The following CEP97 variants were observed in gnomAD, a reference collection of about 807,000 sequenced individuals.
The protein encoded by CEP97 is centrosomal protein of 97 kDa.
A neutral mutation model predicts 73.1 loss-of-function variants in CEP97; 43 were observed. The ratio of observed to expected loss-of-function variants is 0.59; its 90% CI spans 0.46 to 0.76. The LOEUF (loss-of-function observed/expected upper bound fraction) is 0.76. CEP97 is among the 30% of genes least tolerant of loss of function. CEP97 has a pLI of 0.00. For synonymous variants in CEP97, 337 were observed against 370.0 expected (o/e 0.91, Z 1.02); for missense variants, 939 against 1,014.0 (o/e 0.93, Z 1.00).
chr3:101,751,766 T>C (rs1251247426), intron 6 of CEP97, among the ~76,000 whole-genome samples: 3 of 152,156 alleles, frequency 2.0e-5, no homozygotes, highest in African/African-American at 7.2e-5. Flanking sequence ...ATTTGCTTGG[T>C]AGATCTTCCT....
At chr3:101,760,022 CAAAAAAAAAAA>C (rs78933956) in intron 9 of CEP97, among the ~76,000 whole-genome samples, 1 of 88,658 alleles carries the variant, frequency 1.1e-5, no homozygotes, top group Non-Finnish European at 2.1e-5. Context: ...GATGGTGCAG[CAAAAAAAAAAA>C]AAAAAAAAAA....
intron 6 of CEP97, among the ~76,000 whole-genome samples, chr3:101,736,037 C>G (rs1421413174): frequency 6.6e-6 from 1 of 152,102 alleles, no homozygotes; most frequent in Non-Finnish European, 1.5e-5. Context: ...TACCGAGGTG[C>G]GAATAGGTGG....
intron 2 of CEP97, 44 bp from the exon 3 acceptor site, chr3:101,727,339 A>C (rs1251507412): frequency 6.6e-6 from 10 of 1,505,034 alleles, no homozygotes; most frequent in Admixed American, 1.8e-5. Flanking sequence ...GAAATATTTT[A>C]TATATGTTAT....
At chr3:101,756,931 T>C in intron 7 of CEP97, 132 bp from the exon 8 acceptor site, 1 of 752,412 alleles carries the variant, frequency 1.3e-6, no homozygotes. Flanking sequence ...GGATTTATAA[T>C]TTGGCATTAA....
intron 6 of CEP97, among the ~76,000 whole-genome samples, chr3:101,751,604 T>G (rs990900991): frequency 1.4e-4 from 22 of 152,182 alleles, no homozygotes; most frequent in African/African-American, 5.1e-4. Flanking sequence ...CTCCTGTATT[T>G]GGTGCATATA....
At chr3:101,743,318 A>G (rs769124388) in intron 6 of CEP97, among the ~76,000 whole-genome samples, 1 of 151,786 alleles carries the variant, frequency 6.6e-6, no homozygotes, top group Non-Finnish European at 1.5e-5. Flanking sequence ...AAGTAACTTT[A>G]TGGTAACTTT....
At chr3:101,740,151 AG>A (rs551958182) in intron 6 of CEP97, among the ~76,000 whole-genome samples, 202 of 152,294 alleles carry the variant, frequency 1.3e-3, no homozygotes, top group Admixed American at 4.6e-3. Flanking sequence ...AAAGAAATAA[AG>A]GGTATTCAGA....
At chr3:101,730,665 CAT>C (rs779126223) in intron 4 of CEP97, among the ~76,000 whole-genome samples, 5 of 148,408 alleles carry the variant, frequency 3.4e-5, no homozygotes, top group Non-Finnish European at 5.9e-5. Flanking sequence ...TAGAAAAAAA[CAT>C]GTAGCATGTA....
intron 6 of CEP97, among the ~76,000 whole-genome samples, chr3:101,752,663 C>G (rs1212175161): frequency 6.6e-6 from 1 of 152,164 alleles, no homozygotes; most frequent in Non-Finnish European, 1.5e-5. Flanking sequence ...ATCACTGATA[C>G]CCTTTCTTCC....
rs767646219 is a variant in CEP97, at chr3:101,731,912, A to C, written c.520A>C (p.Ile174Leu). 8 of 1,610,654 alleles carry C rather than the reference A, an allele frequency of 5.0e-6. No individual in the cohort carries two copies. In the East Asian group the frequency reaches 8.9e-5, roughly 18 times the overall value. Residue 174 changes from isoleucine to leucine, a missense_variant, in exon 5 of 11, where the codon ATA (isoleucine) becomes CTA (leucine). By Grantham distance (5) the Ile-to-Leu change is conservative. Transcript: ENST00000341893. ...APAYLPRSLA[I>L]LSLAENEIRD... ...TGCTTACCTACCCAGAAGTCTTGCT[A>C]TACTTTCTTTGGCAGAAAATGAAAT...
intron 6 of CEP97, among the ~76,000 whole-genome samples, chr3:101,753,887 TTG>T (rs1938924772): frequency 2.0e-5 from 3 of 152,328 alleles, no homozygotes; most frequent in African/African-American, 4.8e-5. Flanking sequence ...CTGCTTCGGC[TTG>T]CGCACGGTGC....
At position 101,752,714 on chromosome 3, in the gene CEP97, G is replaced by A. The variant is rs535707403; in HGVS notation, c.729-2716G>A. On this transcript the variant is annotated intron_variant, in intron 6 of 10. Transcript: ENST00000341893. ...CTCCTGAGTCTTCTGCATTCTTCAC[G>A]TAGTTCTCGAGCCTTGGCTTTCAGC... 5.0e-3 allele frequency among the ~76,000 whole-genome samples: 761 copies of A among 152,076 alleles called. 6 individuals are homozygous for A. Among genetic ancestry groups the A allele is most frequent in the African/African-American group, 0.018 (734 of 41,490 alleles).
chr3:101,742,583 C>T (rs1372320809), intron 6 of CEP97, among the ~76,000 whole-genome samples: 1 of 151,956 alleles, frequency 6.6e-6, no homozygotes, highest in Non-Finnish European at 1.5e-5. Flanking sequence ...ACACCAGGGC[C>T]TGTTGGGTGG....
intron 6 of CEP97, among the ~76,000 whole-genome samples, chr3:101,754,488 C>G (rs1373292611): frequency 6.6e-6 from 1 of 152,126 alleles, no homozygotes; most frequent in African/African-American, 2.4e-5. Context: ...AAGTTTCTTT[C>G]TTACTCTGTT....
chr3:101,733,266 A>T (rs1938169971), intron 6 of CEP97, among the ~76,000 whole-genome samples: 1 of 152,324 alleles, frequency 6.6e-6, no homozygotes, highest in South Asian at 2.1e-4. Context: ...CCATCATGTT[A>T]TAGATCCTGT....
rs769100893 is a variant in CEP97 at position 101,724,726 on chromosome 3, C to T, written c.43+7C>T. ...GCTTTGCCTCCCGGAGAAGGTAAGG[C>T]GATCCCTACCCCGAGTCCTAAGGTT... On this transcript the variant is annotated splice_region_variant and intron_variant, in intron 1 of 10. Coordinates refer to ENST00000341893, the MANE Select transcript of CEP97 (RefSeq NM_024548.4). 8.7e-6 allele frequency: 14 copies of T among 1,613,872 alleles called. No homozygotes were observed. Among genetic ancestry groups the T allele is most frequent in the Non-Finnish European group, 1.1e-5 (13 of 1,179,828 alleles).
In CEP97 at chr3:101,768,749, G is replaced by A. The variant is rs1939380978; in HGVS notation, c.*3198G>A. 1 of 152,176 alleles carries A rather than the reference G, an allele frequency of 6.6e-6. No individual in the cohort carries two copies. 9.4% of individuals were successfully genotyped at this position (152,176 alleles called of 1,614,324 possible). On this transcript the variant is annotated 3_prime_UTR_variant, in exon 11 of 11. Coordinates refer to ENST00000341893, the MANE Select transcript of CEP97 (RefSeq NM_024548.4). ...TTGACGACAGGCAGTATGACAGGTT[G>A]CTGAGGTATATAAAATTTTCTAGAG...
chr3:101,724,747 A>C (rs1364131251), intron 1 of CEP97, 28 bp downstream of exon 1: 8 of 1,612,600 alleles, frequency 5.0e-6, no homozygotes, highest in Middle Eastern at 1.7e-4. Context: ...CCGAGTCCTA[A>C]GGTTTACTTC....
chr3:101,734,216 A>G (rs1576678948), intron 6 of CEP97, among the ~76,000 whole-genome samples: 1 of 152,194 alleles, frequency 6.6e-6, no homozygotes, highest in South Asian at 2.1e-4. Context: ...TGGAGCTGGG[A>G]TCCCTGCAGA....
Sources: gnomAD v4.1 joint callset for allele counts (sites outside exome capture counted in the v4.1 genomes callset) on GRCh38, gnomAD v4.1.1 for gene constraint, MANE v1.5 for transcripts, NCBI Gene and HGNC (gene_info 2026-07-23, HGNC 2026-07-21) for gene names.